USB1: variants seen among roughly 807,000 people sequenced by gnomAD.
USB1 encodes the protein U6 snRNA phosphodiesterase 1.
In USB1, 21 loss-of-function variants were observed where a neutral mutation model predicts 29.9. The ratio of observed to expected loss-of-function variants is 0.70; its 90% CI spans 0.50 to 1.01. The LOEUF (loss-of-function observed/expected upper bound fraction) is 1.01, where lower values mean the gene tolerates loss of function less well. Among genes scored for constraint, USB1 ranks in the 50% least tolerant of loss-of-function variants. USB1 has a pLI of 0.00. For missense variants in USB1, 330 were observed against 347.1 expected, an observed-to-expected ratio of 0.95 and a Z score of 0.39; for synonymous variants, 143 against 134.9, an observed-to-expected ratio of 1.06 and a Z score of -0.42.
In USB1 at chr16:58,013,227, G is replaced by C; in HGVS notation, c.450-1046G>C. The C allele has an allele frequency of 4.1e-6, 4 of 985,478 alleles. No homozygotes were observed. Among genetic ancestry groups the C allele is most frequent in the Non-Finnish European group, 4.8e-6 (4 of 829,974 alleles). 61.0% of individuals were successfully genotyped at this position (985,478 alleles called of 1,614,324 possible). On this transcript the variant is annotated intron_variant, in intron 3 of 6. Coordinates refer to ENST00000219281, the MANE Select transcript of USB1 (RefSeq NM_024598.4). This position sits in a 1 kb window ranked among gnomAD's most constrained non-coding sequence, Gnocchi z 4.3. ...TGCAACACGAGGTTACCAGGAGAAG[G>C]AGTTTTGGTTGGGCACAGACATCCA...
chr16:58,011,665 C>G, intron 3 of USB1: 2 of 987,866 alleles, frequency 2.0e-6, no homozygotes, highest in Non-Finnish European at 2.4e-6. Context: ...CACAGGTGAC[C>G]CCTCCATCCA....
At chr16:58,011,077 T>G (rs1311402786) in intron 3 of USB1, 4 of 898,608 alleles carry the variant, frequency 4.5e-6, no homozygotes, top group South Asian at 4.2e-5. Context: ...ACCCAGGAAA[T>G]TCCAAAGGAT....
At chr16:58,010,199 A>T in intron 3 of USB1, 87 bp downstream of exon 3, 1 of 1,521,112 alleles carries the variant, frequency 6.6e-7, no homozygotes, top group South Asian at 1.1e-5. Flanking sequence ...TTACCCCAGC[A>T]GGCAGGCAGA....
At chr16:58,003,191 G>A (rs1963272475) in intron 2 of USB1, among the ~76,000 whole-genome samples, 1 of 152,224 alleles carries the variant, frequency 6.6e-6, no homozygotes, top group Non-Finnish European at 1.5e-5. Context: ...TTGGGAAGCG[G>A]AGGCAGGCAG....
At position 58,009,966 on chromosome 16, in the gene USB1, G is replaced by A. The variant is rs770239330; in HGVS notation, c.303G>A (p.Val101=). The A allele has an allele frequency of 9.3e-6, 15 of 1,613,802 alleles. No homozygotes were observed. In the Admixed American group the frequency reaches 2.5e-4, roughly 27 times the overall value. Reference sequence around the variant, plus strand: ...AGGAGTTCCTGGATCTGCTTGATGTGTTGCTGCCCCATGCCCAGACATATG... The same window carrying A: ...AGGAGTTCCTGGATCTGCTTGATGTATTGCTGCCCCATGCCCAGACATATG... ...AKEEFLDLLD[V]LLPHAQTYVP... is the part of the protein sequence containing the mutation. The change falls in exon 3 of 7, where the codon GTG becomes GTA. Residue 101 remains valine, a synonymous_variant. Coordinates refer to ENST00000219281, the MANE Select transcript of USB1 (RefSeq NM_024598.4).
At chr16:58,020,118 C>T (rs935668829) in intron 6 of USB1, 23 bp from the exon 7 acceptor site, 3 of 1,612,984 alleles carry the variant, frequency 1.9e-6, no homozygotes, top group East Asian at 2.2e-5. Flanking sequence ...ATGTGACTGT[C>T]CTCCCCTGGC....
chr16:58,009,824 C>T, intron 2 of USB1, 105 bp from the exon 3 acceptor site: 1 of 1,348,760 alleles, frequency 7.4e-7, no homozygotes, highest in Admixed American at 1.7e-5. Context: ...ATTTTCTCCC[C>T]AAACCCAGAG....
Position 58,013,601 on chromosome 16 carries a change from G to A in USB1, c.450-672G>A, listed in dbSNP as rs1963546025. ...GACTCTTCCCGTGTTATTGATCTGA[G>A]GGGTGGGTGGGTGGGGGCATCTGTC... On this transcript the variant is annotated intron_variant, in intron 3 of 6. Coordinates refer to ENST00000219281, the MANE Select transcript of USB1 (RefSeq NM_024598.4). The surrounding 1 kb of genome is among the most constrained non-coding windows in gnomAD (Gnocchi z 4.3). 3.8e-6 allele frequency: 1 copy of A among 262,938 alleles called. No individual in the cohort carries two copies. Among genetic ancestry groups the A allele is most frequent in the Non-Finnish European group, 5.7e-6 (1 of 174,698 alleles). 16.3% of individuals were successfully genotyped at this position (262,938 alleles called of 1,614,324 possible).
intron 3 of USB1, 63 bp downstream of exon 3, chr16:58,010,175 A>C: frequency 6.2e-7 from 1 of 1,600,470 alleles, no homozygotes; most frequent in East Asian, 2.2e-5. Flanking sequence ...TCCTCTCCTG[A>C]GCTACTGCGG....
chr16:58,014,059 G>T, intron 3 of USB1: 1 of 566,062 alleles, frequency 1.8e-6, no homozygotes, highest in Non-Finnish European at 3.2e-6. Flanking sequence ...ACTAGCACCT[G>T]GATGATGTTG....
intron 4 of USB1, 86 bp from the exon 5 acceptor site, chr16:58,017,248 C>A (rs770384300): frequency 1.7e-5 from 22 of 1,260,598 alleles, no homozygotes; most frequent in Non-Finnish European, 2.4e-5. Flanking sequence ...GGCCTCTTGG[C>A]CTTCTGCCTG....
chr16:58,018,137 G>A (rs113523536), intron 5 of USB1, among the ~76,000 whole-genome samples: 1 of 151,994 alleles, frequency 6.6e-6, no homozygotes, highest in Non-Finnish European at 1.5e-5. Context: ...AAATACCATA[G>A]ACTGGGTGGC....
upstream of USB1, chr16:58,001,379 C>G: frequency 1.5e-6 from 2 of 1,370,200 alleles, no homozygotes; most frequent in Non-Finnish European, 1.0e-6. Flanking sequence ...CGAGGCGGTG[C>G]CAGCCCAGGC....
intron 4 of USB1, 38 bp downstream of exon 4, chr16:58,014,364 ATTCT>A: frequency 6.3e-7 from 1 of 1,574,968 alleles, no homozygotes; most frequent in Non-Finnish European, 8.7e-7. Context: ...TCAGAGGAAG[ATTCT>A]TTGGTGCAAA....
chr16:58,012,536 C>T (rs1963520221), intron 3 of USB1: 4 of 1,335,290 alleles, frequency 3.0e-6, no homozygotes, highest in Middle Eastern at 2.4e-4. Flanking sequence ...GACGAAGCCA[C>T]CGCATCTCCC....
Position 58,013,316 on chromosome 16 carries a change from A to C in USB1, c.450-957A>C. 2 of 985,408 alleles carry C rather than the reference A, an allele frequency of 2.0e-6. No individual in the cohort carries two copies. Among genetic ancestry groups the C allele is most frequent in the Admixed American group, 6.1e-5 (1 of 16,270 alleles). The allele number at this position is 985,408 out of a possible 1,614,324, so 61.0% of individuals were successfully genotyped here. A position where few individuals can be genotyped will look rare whatever the true frequency, so the allele number is the denominator to read the frequency against. On this transcript the variant is annotated intron_variant, in intron 3 of 6. Coordinates refer to ENST00000219281, the MANE Select transcript of USB1 (RefSeq NM_024598.4). The surrounding 1 kb of genome is among the most constrained non-coding windows in gnomAD (Gnocchi z 4.3). ...TCTTCCTAAAAGCTGCACTTAACCA[A>C]GCTCCTGGTGGTTCTGTGATCCCTT...
chr16:58,006,598 G>T (rs140160392), intron 2 of USB1, among the ~76,000 whole-genome samples: 8,843 of 152,256 alleles, frequency 0.058, 376 homozygotes, highest in East Asian at 0.094. Flanking sequence ...GGTGGAGGTT[G>T]CAGTGAGCGG....
At chr16:58,020,041 G>A (rs570256320) in intron 6 of USB1, 100 bp from the exon 7 acceptor site, 124 of 1,114,134 alleles carry the variant, frequency 1.1e-4, no homozygotes, top group Middle Eastern at 2.7e-4. Context: ...CCTCAGCCTC[G>A]CCCAGCCTCT....
intron 3 of USB1, chr16:58,012,507 C>T (rs1257254473): frequency 5.8e-6 from 7 of 1,200,076 alleles, no homozygotes; most frequent in Non-Finnish European, 8.0e-6. Flanking sequence ...TCAGCTCTGT[C>T]CCCTTCCTTT....
Sources: allele counts gnomAD v4.1 joint callset (sites outside exome capture counted in the v4.1 genomes callset), GRCh38; gene constraint gnomAD v4.1.1; non-coding constraint Gnocchi (gnomAD v3.1); transcripts MANE v1.5; gene names NCBI Gene and HGNC (gene_info 2026-07-23, HGNC 2026-07-21).